Variants in GRM7 observed in about 807,000 individuals in gnomAD.
The protein encoded by GRM7 is glutamate metabotropic receptor 7, also known as metabotropic glutamate receptor 7.
A neutral mutation model predicts 84.5 loss-of-function variants in GRM7; 35 were observed. The observed-to-expected ratio is 0.41, with a 90% CI of 0.32 to 0.55. GRM7 has a LOEUF of 0.55. Among genes scored for constraint, GRM7 ranks in the 20% least tolerant of loss-of-function variants. GRM7 has a pLI of 0.19. For missense variants in GRM7, 1,003 were observed against 1,194.6 expected (o/e 0.84, Z 2.36); for synonymous variants, 487 against 455.1 (o/e 1.07, Z -0.89).
intron 2 of GRM7, among the ~76,000 whole-genome samples, chr3:7,228,378 G>T (rs1697051980): frequency 6.7e-6 from 1 of 150,292 alleles, no homozygotes; most frequent in Non-Finnish European, 1.5e-5. Context: ...CAAATTTATT[G>T]GAAGAATAAA....
chr3:7,650,741 G>A (rs953323134), intron 8 of GRM7, among the ~76,000 whole-genome samples: 6 of 152,130 alleles, frequency 3.9e-5, no homozygotes, highest in African/African-American at 1.4e-4. Flanking sequence ...ATTTAGAGAT[G>A]GAGTCTCCCT....
intron 5 of GRM7, among the ~76,000 whole-genome samples, chr3:7,450,672 A>G (rs1424725282): frequency 6.6e-6 from 1 of 152,034 alleles, no homozygotes; most frequent in Non-Finnish European, 1.5e-5. Flanking sequence ...GTAGTCCTGA[A>G]TTTGAATGGG....
At chr3:7,530,916 A>G (rs1701013868) in intron 7 of GRM7, among the ~76,000 whole-genome samples, 1 of 151,892 alleles carries the variant, frequency 6.6e-6, no homozygotes, top group Non-Finnish European at 1.5e-5. Context: ...CTCTGATGAT[A>G]GTTTCTTCTG....
Position 6,861,313 on chromosome 3 carries a change from T to A in GRM7, c.-76T>A, listed in dbSNP as rs1694745046. Reference sequence around the variant, plus strand: ...TGGGCTTTCCCGGAGGAGCTCGCCCTGAAGGGCCCGGACCTCGGCGAGCCC... The same window carrying A: ...TGGGCTTTCCCGGAGGAGCTCGCCCAGAAGGGCCCGGACCTCGGCGAGCCC... On this transcript the variant is annotated 5_prime_UTR_variant, in exon 1 of 10. Transcript: ENST00000357716. This position sits in a 1 kb window ranked among gnomAD's most constrained non-coding sequence, Gnocchi z 6.4. 7.5e-7 allele frequency: 1 copy of A among 1,325,236 alleles called. No individual in the cohort carries two copies. Among genetic ancestry groups the A allele is most frequent in the Admixed American group, 3.5e-5 (1 of 28,348 alleles). 82.1% of individuals were successfully genotyped at this position (1,325,236 alleles called of 1,614,324 possible). A position where few individuals can be genotyped will look rare whatever the true frequency, so the allele number is the denominator to read the frequency against.
intron 8 of GRM7, among the ~76,000 whole-genome samples, chr3:7,643,086 T>C (rs1698435428): frequency 6.6e-6 from 1 of 152,094 alleles, no homozygotes; most frequent in Non-Finnish European, 1.5e-5. Context: ...TCACATCACG[T>C]GCTGGGTGAT....
chr3:7,606,188 C>T (rs1294728100), intron 8 of GRM7, among the ~76,000 whole-genome samples: 2 of 152,134 alleles, frequency 1.3e-5, no homozygotes, highest in Non-Finnish European at 2.9e-5. Flanking sequence ...AGCAACTCTT[C>T]TAATTTGACT....
At chr3:7,448,989 A>C (rs1228599274) in intron 5 of GRM7, among the ~76,000 whole-genome samples, 1 of 152,074 alleles carries the variant, frequency 6.6e-6, no homozygotes, top group Non-Finnish European at 1.5e-5. Context: ...AGAAATTTAT[A>C]AAGTAGCAGG....
chr3:7,722,864 T>C (rs1187002813), intron 9 of GRM7, among the ~76,000 whole-genome samples: 1 of 152,092 alleles, frequency 6.6e-6, no homozygotes, highest in Non-Finnish European at 1.5e-5. Context: ...CTGAAATACA[T>C]AGAGAAGACT....
intron 5 of GRM7, among the ~76,000 whole-genome samples, chr3:7,446,087 T>C (rs904005374): frequency 6.6e-6 from 1 of 152,210 alleles, no homozygotes; most frequent in Non-Finnish European, 1.5e-5. Context: ...TTTAAGTTAA[T>C]TGTATGCTGT....
chr3:7,045,473 C>G (rs1452008048), intron 1 of GRM7, among the ~76,000 whole-genome samples: 1 of 152,266 alleles, frequency 6.6e-6, no homozygotes, highest in African/African-American at 2.4e-5. Flanking sequence ...ATGCTGTGCA[C>G]TAAATGTCCA....
intron 8 of GRM7, among the ~76,000 whole-genome samples, chr3:7,674,669 T>G (rs1447880595): frequency 6.6e-5 from 10 of 152,194 alleles, no homozygotes; most frequent in Admixed American, 6.5e-4. Context: ...TTATTAATTA[T>G]AGTCACCATG....
intron 2 of GRM7, among the ~76,000 whole-genome samples, chr3:7,274,097 T>G (rs537358854): frequency 1.3e-5 from 2 of 151,996 alleles, no homozygotes; most frequent in Non-Finnish European, 2.9e-5. Flanking sequence ...TAGTCCAAGT[T>G]GATTTTCAAA....
At chr3:7,245,850 G>A (rs2124929301) in intron 2 of GRM7, among the ~76,000 whole-genome samples, 2 of 151,902 alleles carry the variant, frequency 1.3e-5, no homozygotes, top group East Asian at 3.9e-4. Flanking sequence ...TGCATTTTGA[G>A]GCTTACATGA....
intron 5 of GRM7, among the ~76,000 whole-genome samples, chr3:7,449,346 G>A (rs1004942221): frequency 4.6e-5 from 7 of 152,020 alleles, no homozygotes; most frequent in South Asian, 2.1e-4. Flanking sequence ...TTGAGCAAAC[G>A]AAGATACAGA....
chr3:6,888,185 T>C (rs1695779329), intron 1 of GRM7, among the ~76,000 whole-genome samples: 1 of 152,074 alleles, frequency 6.6e-6, no homozygotes, highest in Admixed American at 6.5e-5. Context: ...GTAGGTTGCC[T>C]GTTCACTCTG....
chr3:7,422,092 C>T (rs1447325862), intron 5 of GRM7, among the ~76,000 whole-genome samples: 1 of 151,882 alleles, frequency 6.6e-6, no homozygotes, highest in Non-Finnish European at 1.5e-5. Context: ...GAGACCTTGC[C>T]TCAAACACTC....
chr3:6,995,017 G>A (rs1694782427), intron 1 of GRM7, among the ~76,000 whole-genome samples: 1 of 152,192 alleles, frequency 6.6e-6, no homozygotes, highest in Non-Finnish European at 1.5e-5. Flanking sequence ...TAAAAAGTAA[G>A]TAGAAGAGAT....
At chr3:7,655,272 C>T (rs964662677) in intron 8 of GRM7, among the ~76,000 whole-genome samples, 2 of 152,180 alleles carry the variant, frequency 1.3e-5, no homozygotes, top group Admixed American at 1.3e-4. Context: ...CTTGCAAAAT[C>T]TTCAAAGCTA....
intron 2 of GRM7, among the ~76,000 whole-genome samples, chr3:7,229,759 A>ATATTTT (rs1434216248): frequency 3.3e-5 from 1 of 30,440 alleles, no homozygotes; most frequent in South Asian, 1.9e-3. Context: ...ATATATATAT[A>ATATTTT]TTTTTTTTTT....
Sources: allele counts gnomAD v4.1 joint callset (sites outside exome capture counted in the v4.1 genomes callset), GRCh38; gene constraint gnomAD v4.1.1; non-coding constraint Gnocchi (gnomAD v3.1); transcripts MANE v1.5; gene names NCBI Gene and HGNC (gene_info 2026-07-23, HGNC 2026-07-21).